ADCK1: variants seen among roughly 807,000 people sequenced by gnomAD.
ADCK1 encodes aarF domain containing kinase 1.
A neutral mutation model predicts 52.3 loss-of-function variants in ADCK1; 41 were observed. That is an observed-to-expected ratio of 0.78 (90% CI 0.61 to 1.02). ADCK1 has a LOEUF of 1.02. ADCK1 is among the 50% of genes least tolerant of loss of function. The pLI, the probability that ADCK1 is intolerant of heterozygous loss-of-function variation, is 0.00. For synonymous variants in ADCK1, 250 were observed against 274.6 expected (o/e 0.91, Z 0.89); for missense variants, 658 against 679.5 (o/e 0.97, Z 0.35).
chr14:77,895,673 C>T (rs112449495), intron 5 of ADCK1, among the ~76,000 whole-genome samples: 20 of 152,238 alleles, frequency 1.3e-4, no homozygotes, highest in East Asian at 9.6e-4. Flanking sequence ...TGAAACCAGA[C>T]GGTGAAACTG....
intron 3 of ADCK1, among the ~76,000 whole-genome samples, chr14:77,849,328 C>T (rs747744202): frequency 6.6e-6 from 1 of 152,228 alleles, no homozygotes; most frequent in Non-Finnish European, 1.5e-5. Context: ...CCCGCCTTGG[C>T]CTTCCAATAT....
intron 1 of ADCK1, among the ~76,000 whole-genome samples, chr14:77,802,662 G>T (rs547429941): frequency 6.6e-6 from 1 of 152,082 alleles, no homozygotes; most frequent in Non-Finnish European, 1.5e-5. Flanking sequence ...ATTAAAATTT[G>T]GTTCCTAGCC....
intron 3 of ADCK1, among the ~76,000 whole-genome samples, chr14:77,852,684 T>TATATATATA: frequency 1.3e-5 from 1 of 77,884 alleles, no homozygotes; most frequent in African/African-American, 5.6e-5. Context: ...TATATATATA[T>TATATATATA]ATATATATAT....
rs2084141890 is a variant in ADCK1 at position 77,924,557 on chromosome 14, C to T, written c.959C>T (p.Pro320Leu). The T allele has an allele frequency of 6.2e-7, 1 of 1,613,996 alleles. No individual in the cohort carries two copies. The highest frequency in any genetic ancestry group is 8.5e-7 in the Non-Finnish European group (1 of 1,180,046). The change falls in exon 8 of 11, where the codon CCC becomes CTC. Residue 320 changes from proline to leucine, a missense_variant. Physicochemically the swap from Pro to Leu is moderately conservative, Grantham distance 98 (BLOSUM62 -3). Coordinates refer to ENST00000238561, the MANE Select transcript of ADCK1 (RefSeq NM_020421.4). Reference sequence around the variant, plus strand: ...GGCAATGTACTGGTGCGGAAGCACCCCGGCACGGGAAAGGCGGAGATTGTC... The same window carrying T: ...GGCAATGTACTGGTGCGGAAGCACCTCGGCACGGGAAAGGCGGAGATTGTC... ...HPGNVLVRKHPGTGKAEIVLL... is the reference protein window; with the variant it reads ...HPGNVLVRKHLGTGKAEIVLL...
chr14:77,879,944 C>A (rs1214570700), intron 4 of ADCK1, among the ~76,000 whole-genome samples: 1 of 152,176 alleles, frequency 6.6e-6, no homozygotes, highest in African/African-American at 2.4e-5. Flanking sequence ...TATGTGGTTT[C>A]ATATGACCCT....
intron 6 of ADCK1, among the ~76,000 whole-genome samples, chr14:77,903,406 G>A (rs1049639432): frequency 2.6e-5 from 4 of 152,188 alleles, no homozygotes; most frequent in Non-Finnish European, 5.9e-5. Flanking sequence ...GGCATCTTCC[G>A]GTGCTTATGT....
chr14:77,861,630 A>C (rs1225630765), intron 4 of ADCK1, among the ~76,000 whole-genome samples: 1 of 152,164 alleles, frequency 6.6e-6, no homozygotes, highest in Non-Finnish European at 1.5e-5. Flanking sequence ...CCTAGGTCCC[A>C]GTCCTCGGAT....
chr14:77,882,210 C>G (rs1259625839), intron 4 of ADCK1, among the ~76,000 whole-genome samples: 1 of 152,218 alleles, frequency 6.6e-6, no homozygotes. Flanking sequence ...ACTTGTCTCT[C>G]TGCTCACCAG....
chr14:77,876,776 C>T (rs777309124), intron 4 of ADCK1, among the ~76,000 whole-genome samples: 1 of 152,212 alleles, frequency 6.6e-6, no homozygotes, highest in Non-Finnish European at 1.5e-5. Context: ...CTGCCACCCC[C>T]CGACCTCCCA....
intron 5 of ADCK1, among the ~76,000 whole-genome samples, chr14:77,892,708 C>T (rs2140222398): frequency 6.6e-6 from 1 of 152,192 alleles, no homozygotes; most frequent in Admixed American, 6.5e-5. Flanking sequence ...AATGCCCACT[C>T]CCAAATCAGT....
In ADCK1 at chr14:77,859,153, C is replaced by T; in HGVS notation, c.297C>T (p.His99=). 3.7e-6 allele frequency: 6 copies of T among 1,613,886 alleles called. No individual in the cohort carries two copies. The highest frequency in any genetic ancestry group is 3.4e-4 in the Middle Eastern group (2 of 5,964). The change falls in exon 4 of 11, where the codon CAC becomes CAT. Residue 99 remains histidine, a synonymous_variant. Transcript: ENST00000238561. ...GCACCTTCATCAAGGTGGGCCAGCA[C>T]CTGGGGGCTCTGGACTACCTGTTGC... is the stretch of plus-strand genomic sequence containing the variant. The part of the protein sequence containing the change: ...NRGTFIKVGQ[H]LGALDYLLPE...
intron 4 of ADCK1, among the ~76,000 whole-genome samples, chr14:77,861,958 C>T (rs892773240): frequency 6.6e-6 from 1 of 152,204 alleles, no homozygotes; most frequent in Admixed American, 6.5e-5. Flanking sequence ...GGGGCACTCT[C>T]CTTGCATAGC....
chr14:77,870,357 T>A lies in ADCK1; in HGVS notation c.423+11078T>A, dbSNP rs565166013. On this transcript the variant is annotated intron_variant, in intron 4 of 10. Transcript: ENST00000238561. ...TTCTGGGGGACGTTAAAGAGAGCCATAGGCATTGGGTCTTGCTGTGGCAAG... is the reference window on the plus strand; with the variant it reads ...TTCTGGGGGACGTTAAAGAGAGCCAAAGGCATTGGGTCTTGCTGTGGCAAG... Among the ~76,000 whole-genome samples the A allele has an allele frequency of 3.9e-5, 6 of 152,354 alleles. No individual in the cohort carries two copies. In the South Asian group the frequency reaches 8.3e-4, roughly 21 times the overall value.
Position 77,810,827 on chromosome 14 carries a change from G to A in ADCK1, c.-11-8141G>A, listed in dbSNP as rs546347458. Among the ~76,000 whole-genome samples the A allele has an allele frequency of 3.5e-4, 53 of 152,202 alleles. 2 individuals carry two copies. In the South Asian group the frequency reaches 9.3e-3, roughly 27 times the overall value. ...ATTACAGGCGTGAGCCTCCGTGCCC[G>A]GCAAGGCTGGGTTCTTTACCCACGG... On this transcript the variant is annotated intron_variant, in intron 1 of 10. Coordinates refer to ENST00000238561, the MANE Select transcript of ADCK1 (RefSeq NM_020421.4).
intron 4 of ADCK1, among the ~76,000 whole-genome samples, chr14:77,861,412 G>A (rs2082544507): frequency 6.6e-6 from 1 of 152,062 alleles, no homozygotes; most frequent in Admixed American, 6.5e-5. Flanking sequence ...GTGCGTGTGG[G>A]GGTGTGAGGG....
chr14:77,816,445 TAG>T lies in ADCK1; in HGVS notation c.-11-2520_-11-2519del, dbSNP rs545341175. ...TCTGATTGTGGATCTTAACCCTCCC[TAG>T]AGTAGGTTCTGCCCTATACACTGAG... On this transcript the variant is annotated intron_variant, in intron 1 of 10. Transcript: ENST00000238561. 9.7e-5 allele frequency among the ~76,000 whole-genome samples: 14 copies of T among 144,096 alleles called. No homozygotes were observed. The East Asian group carries it at 2.5e-3, about 25-fold the overall frequency. The allele number at this position is 144,096 out of a possible 152,430, so 94.5% of individuals were successfully genotyped here.
At chr14:77,930,688 C>T (rs1004999106) in intron 9 of ADCK1, among the ~76,000 whole-genome samples, 10 of 152,152 alleles carry the variant, frequency 6.6e-5, no homozygotes, top group South Asian at 4.2e-4. Flanking sequence ...GATAATACAC[C>T]GATAGGGTTG....
At position 77,850,955 on chromosome 14, in the gene ADCK1, C is replaced by T. The variant is rs542916668; in HGVS notation, c.220-8121C>T. Reference sequence around the variant, plus strand: ...CAGGTGTGAGCCACCACACCCGGCCCGATGTATCTTTTTTTTTATCCTTCT... The same window carrying T: ...CAGGTGTGAGCCACCACACCCGGCCTGATGTATCTTTTTTTTTATCCTTCT... On this transcript the variant is annotated intron_variant, in intron 3 of 10. Coordinates refer to ENST00000238561, the MANE Select transcript of ADCK1 (RefSeq NM_020421.4). Among the ~76,000 whole-genome samples the T allele has an allele frequency of 2.2e-4, 34 of 151,584 alleles. No homozygotes were observed. In the South Asian group the frequency reaches 4.0e-3, roughly 18 times the overall value.
intron 2 of ADCK1, among the ~76,000 whole-genome samples, chr14:77,819,681 C>G (rs573119086): frequency 6.6e-6 from 1 of 152,204 alleles, no homozygotes; most frequent in Admixed American, 6.5e-5. Context: ...TCAACAGGAA[C>G]GTCATCCTGG....
Sources: gnomAD v4.1 joint callset for allele counts (sites outside exome capture counted in the v4.1 genomes callset) on GRCh38, gnomAD v4.1.1 for gene constraint, MANE v1.5 for transcripts, NCBI Gene and HGNC (gene_info 2026-07-23, HGNC 2026-07-21) for gene names.